Variants in UBE3A observed in about 807,000 individuals in gnomAD.
The protein encoded by UBE3A is ubiquitin-protein ligase E3A.
In UBE3A, 6 loss-of-function variants were observed where a neutral mutation model predicts 83.4. That is an observed-to-expected ratio of 0.07 (90% CI 0.04 to 0.14). The LOEUF (loss-of-function observed/expected upper bound fraction) is 0.14. UBE3A is among the 10% of genes least tolerant of loss of function. UBE3A has a pLI of 1.00. For synonymous variants in UBE3A, 337 were observed against 355.4 expected (o/e 0.95, Z 0.58); for missense variants, 456 against 1,036.1 (o/e 0.44, Z 7.69).
At chr15:25,406,794 T>C (rs959065022) in intron 3 of UBE3A, among the ~76,000 whole-genome samples, 7 of 141,134 alleles carry the variant, frequency 5.0e-5, no homozygotes, top group Admixed American at 2.2e-4. Flanking sequence ...CACTTCTTTA[T>C]CAGACTCTCA....
chr15:25,437,743 T>C (rs183663175), intron 1 of UBE3A, among the ~76,000 whole-genome samples: 13 of 152,316 alleles, frequency 8.5e-5, no homozygotes, highest in African/African-American at 2.9e-4. Flanking sequence ...AAATTATTTC[T>C]AAAATTTTAC....
chr15:25,355,645 C>T (rs2077113984), intron 9 of UBE3A, among the ~76,000 whole-genome samples: 1 of 152,152 alleles, frequency 6.6e-6, no homozygotes, highest in Non-Finnish European at 1.5e-5. Flanking sequence ...ACTACAACCA[C>T]ACTTAGCTAT....
At chr15:25,376,192 T>C (rs766600544) in intron 4 of UBE3A, among the ~76,000 whole-genome samples, 7 of 152,212 alleles carry the variant, frequency 4.6e-5, no homozygotes, top group Non-Finnish European at 5.9e-5. Flanking sequence ...TTTTACATAA[T>C]CAGTATTTCA....
intron 4 of UBE3A, among the ~76,000 whole-genome samples, chr15:25,398,776 TATATATATATATATA>T (rs2086240036): frequency 5.0e-5 from 1 of 20,140 alleles, no homozygotes; most frequent in Non-Finnish European, 8.7e-5. Context: ...TTTATTTATA[TATATATATATATATA>T]TATATATATA....
At chr15:25,346,085 G>C (rs1331851181) in intron 11 of UBE3A, 1 of 152,182 alleles carries the variant, frequency 6.6e-6, no homozygotes, top group Non-Finnish European at 1.5e-5. Flanking sequence ...TTTCCTGCAA[G>C]TGTTCCACAG....
At chr15:25,358,362 G>A (rs1375689032) in intron 7 of UBE3A, among the ~76,000 whole-genome samples, 1 of 151,874 alleles carries the variant, frequency 6.6e-6, no homozygotes, top group Non-Finnish European at 1.5e-5. Context: ...CTGGGCCTCA[G>A]AGCCAGATCC....
chr15:25,427,340 G>C (rs1349729482), intron 1 of UBE3A, among the ~76,000 whole-genome samples: 1 of 151,878 alleles, frequency 6.6e-6, no homozygotes, highest in Non-Finnish European at 1.5e-5. Context: ...GTAATATTTA[G>C]GTTGAGCCCT....
intron 12 of UBE3A, 200 bp from the exon 13 acceptor site, chr15:25,339,457 TGATAA>T (rs1276730758): frequency 7.3e-6 from 4 of 548,686 alleles, no homozygotes; most frequent in Non-Finnish European, 1.2e-5. Context: ...CTAGTGACGA[TGATAA>T]GATACTGTAT....
intron 11 of UBE3A, among the ~76,000 whole-genome samples, chr15:25,349,960 G>GTAAT (rs2076253784): frequency 6.6e-6 from 1 of 152,160 alleles, no homozygotes; most frequent in African/African-American, 2.4e-5. Flanking sequence ...AGAATAGCAT[G>GTAAT]TAATTTAAAA....
rs2152506657 is a variant in UBE3A at position 25,339,142 on chromosome 15, G to A, written c.2614C>T (p.Leu872=). 6.4e-7 allele frequency: 1 copy of A among 1,571,506 alleles called. No individual in the cohort carries two copies. The highest frequency in any genetic ancestry group is 1.4e-5 in the African/African-American group (1 of 72,290). The change falls in exon 13 of 13, where the codon CTG becomes TTG. Residue 872 remains leucine, a synonymous_variant. Coordinates refer to ENST00000648336, the MANE Select transcript of UBE3A (RefSeq NM_130839.5). ...AITYAKGFGM[L] ...TTATTTTGTTTTGTTTTGTTTTACA[G>A]CATGCCAAATCCTTTGGCATACGTG... is the stretch of plus-strand genomic sequence containing the variant.
In UBE3A at chr15:25,378,474, T is replaced by A. The variant is rs566868417; in HGVS notation, c.63-2711A>T. On this transcript the variant is annotated intron_variant, in intron 4 of 12. Transcript: ENST00000648336. The stretch of plus-strand genomic sequence containing the variant: ...AAGAAACTAGTATTTGCTGGATGCC[T>A]GATAACTTATTACACACACTGCGGG... 6.6e-5 allele frequency among the ~76,000 whole-genome samples: 10 copies of A among 152,282 alleles called. No homozygotes were observed. The East Asian group carries it at 1.9e-3, about 29-fold the overall frequency.
chr15:25,344,949 G>GTTA lies in UBE3A; in HGVS notation c.2355-4724_2355-4722dup, dbSNP rs575279107. 2.0e-4 allele frequency among the ~76,000 whole-genome samples: 30 copies of GTTA among 152,152 alleles called. No homozygotes were observed. The East Asian group carries it at 4.6e-3, about 24-fold the overall frequency. ...GAAAGATGATGATGGCAACGACATAGTTATTATTATTATTATTTTTTGTTT... is the reference window on the plus strand; with the variant it reads ...GAAAGATGATGATGGCAACGACATAGTTATTATTATTATTATTATTTTTTGTTT... On this transcript the variant is annotated intron_variant, in intron 11 of 12. Coordinates refer to ENST00000648336, the MANE Select transcript of UBE3A (RefSeq NM_130839.5).
chr15:25,397,447 T>C (rs1169807157), intron 4 of UBE3A, among the ~76,000 whole-genome samples: 2 of 152,148 alleles, frequency 1.3e-5, no homozygotes, highest in African/African-American at 2.4e-5. Flanking sequence ...TCCTAACCTC[T>C]TCCAGAAAGA....
At chr15:25,345,925 A>G (rs1203505137) in intron 11 of UBE3A, 1 of 152,254 alleles carries the variant, frequency 6.6e-6, no homozygotes. Context: ...AAACAGAACA[A>G]TAATACCAGA....
Position 25,438,704 on chromosome 15 carries a change from G to C in UBE3A, c.-380C>G, listed in dbSNP as rs1370701833. On this transcript the variant is annotated 5_prime_UTR_variant, in exon 1 of 13. Transcript: ENST00000648336. ...CGTTCGTCGCCAGCCGCCGCTGCCT[G>C]TCCACACCGGGGGGCTGAGGGGCCC... is the stretch of plus-strand genomic sequence containing the variant. 6.6e-6 allele frequency: 1 copy of C among 152,584 alleles called. No homozygotes were observed. Among genetic ancestry groups the C allele is most frequent in the Non-Finnish European group, 1.5e-5 (1 of 68,312 alleles). 9.5% of individuals were successfully genotyped at this position (152,584 alleles called of 1,614,324 possible). A position where few individuals can be genotyped will look rare whatever the true frequency, so the allele number is the denominator to read the frequency against.
chr15:25,437,018 T>C (rs951572773), intron 1 of UBE3A, among the ~76,000 whole-genome samples: 1 of 152,220 alleles, frequency 6.6e-6, no homozygotes, highest in Non-Finnish European at 1.5e-5. Flanking sequence ...GTTCTTTTAT[T>C]TCTCCTGTGT....
intron 4 of UBE3A, among the ~76,000 whole-genome samples, chr15:25,401,131 T>C (rs956824771): frequency 6.6e-6 from 1 of 152,220 alleles, no homozygotes; most frequent in African/African-American, 2.4e-5. Context: ...TCAGGTCTGT[T>C]GGATAATCCT....
intron 4 of UBE3A, among the ~76,000 whole-genome samples, chr15:25,380,656 T>C (rs2082026492): frequency 6.6e-6 from 1 of 152,206 alleles, no homozygotes; most frequent in African/African-American, 2.4e-5. Flanking sequence ...ATGAGATCCC[T>C]TAGTAATACC....
Position 25,334,156 on chromosome 15 carries a change from T to C in UBE3A, c.*4981A>G, listed in dbSNP as rs2073851664. 1 of 152,120 alleles carries C rather than the reference T, an allele frequency of 6.6e-6. No homozygotes were observed. Among genetic ancestry groups the C allele is most frequent in the Non-Finnish European group, 1.5e-5 (1 of 68,018 alleles). 9.4% of individuals were successfully genotyped at this position (152,120 alleles called of 1,614,324 possible). On this transcript the variant is annotated 3_prime_UTR_variant, in exon 13 of 13. Coordinates refer to ENST00000648336, the MANE Select transcript of UBE3A (RefSeq NM_130839.5). ...GACTGGAAAGGAAGAAGTAAAAGTA[T>C]TTCTGTTCACAGATGCATGATCTCA...
Sources: gnomAD v4.1 joint callset for allele counts (sites outside exome capture counted in the v4.1 genomes callset) on GRCh38, gnomAD v4.1.1 for gene constraint, MANE v1.5 for transcripts, NCBI Gene and HGNC (gene_info 2026-07-23, HGNC 2026-07-21) for gene names.